Variants in MLLT3 observed in about 807,000 individuals in gnomAD.
MLLT3 encodes protein AF-9.
MLLT3 carries 4 observed loss-of-function variants against 53.2 expected under a neutral mutation model. The observed-to-expected ratio is 0.08, with a 90% CI of 0.04 to 0.17. The LOEUF is 0.17. MLLT3 is among the 10% of genes least tolerant of loss of function. The probability of loss-of-function intolerance (pLI) is 1.00; values close to 1 mark genes in which losing one functional copy is unlikely to be tolerated. For synonymous variants in MLLT3, 283 were observed against 230.6 expected (o/e 1.23, Z -2.06); for missense variants, 569 against 684.0 (o/e 0.83, Z 1.87).
At chr9:20,450,921 T>C (rs891600799) in intron 3 of MLLT3, among the ~76,000 whole-genome samples, 2 of 152,194 alleles carry the variant, frequency 1.3e-5, no homozygotes, top group African/African-American at 4.8e-5. Context: ...CTTGGCAATA[T>C]CTATCAACAT....
chr9:20,374,652 T>C (rs551949341), intron 5 of MLLT3, among the ~76,000 whole-genome samples: 12 of 152,350 alleles, frequency 7.9e-5, no homozygotes, highest in Non-Finnish European at 1.2e-4. Flanking sequence ...CATTAGTAAC[T>C]GCTTCAAAAA....
At chr9:20,536,476 T>G (rs1479666597) in intron 2 of MLLT3, among the ~76,000 whole-genome samples, 1 of 152,174 alleles carries the variant, frequency 6.6e-6, no homozygotes, top group African/African-American at 2.4e-5. Context: ...CCTTTAATAC[T>G]GAGCACGCCA....
intron 5 of MLLT3, among the ~76,000 whole-genome samples, chr9:20,388,163 A>G (rs934592277): frequency 1.3e-5 from 2 of 151,366 alleles, no homozygotes; most frequent in Non-Finnish European, 2.9e-5. Context: ...TTGATTTAGA[A>G]AATATGTACT....
chr9:20,464,958 C>A (rs572845575), intron 2 of MLLT3, among the ~76,000 whole-genome samples: 1 of 152,000 alleles, frequency 6.6e-6, no homozygotes, highest in African/African-American at 2.4e-5. Context: ...AAGCTATAAA[C>A]CCCCAAGAGC....
At chr9:20,566,811 G>A (rs938605815) in intron 2 of MLLT3, among the ~76,000 whole-genome samples, 2 of 152,108 alleles carry the variant, frequency 1.3e-5, no homozygotes, top group Non-Finnish European at 2.9e-5. Flanking sequence ...AAAGGGTAGA[G>A]GGCATCTGAA....
chr9:20,532,170 T>C (rs1296189971), intron 2 of MLLT3, among the ~76,000 whole-genome samples: 1 of 152,148 alleles, frequency 6.6e-6, no homozygotes, highest in Non-Finnish European at 1.5e-5. Flanking sequence ...GTGAAGATAT[T>C]CAACTATGTG....
At chr9:20,599,244 CA>C (rs535654648) in intron 2 of MLLT3, among the ~76,000 whole-genome samples, 61 of 148,764 alleles carry the variant, frequency 4.1e-4, no homozygotes, top group African/African-American at 1.4e-3. Context: ...ATGGAGGTTG[CA>C]GTGAGCCAAG....
chr9:20,471,338 T>G (rs889104390), intron 2 of MLLT3, among the ~76,000 whole-genome samples: 1 of 152,032 alleles, frequency 6.6e-6, no homozygotes, highest in Non-Finnish European at 1.5e-5. Context: ...TAAGAGGAAT[T>G]CGGAGAAATG....
At chr9:20,365,827 A>G in intron 5 of MLLT3, 83 bp from the exon 6 acceptor site, 1 of 1,398,236 alleles carries the variant, frequency 7.2e-7, no homozygotes, top group Non-Finnish European at 1.0e-6. Flanking sequence ...TGTTGCTCAA[A>G]CCATCCTCTG....
At chr9:20,454,469 G>A in intron 3 of MLLT3, among the ~76,000 whole-genome samples, 1 of 152,194 alleles carries the variant, frequency 6.6e-6, no homozygotes, top group East Asian at 1.9e-4. Context: ...AAAGAGAGAA[G>A]ATACTTCATT....
At chr9:20,497,372 C>T (rs764292765) in intron 2 of MLLT3, among the ~76,000 whole-genome samples, 1 of 152,150 alleles carries the variant, frequency 6.6e-6, no homozygotes, top group South Asian at 2.1e-4. Context: ...GAAACCATCA[C>T]CATAGTCAAG....
At chr9:20,511,527 T>C (rs923307490) in intron 2 of MLLT3, among the ~76,000 whole-genome samples, 4 of 152,100 alleles carry the variant, frequency 2.6e-5, no homozygotes, top group African/African-American at 7.2e-5. Context: ...TATAAGATGG[T>C]AGAAAAGGCG....
intron 6 of MLLT3, among the ~76,000 whole-genome samples, chr9:20,363,918 G>T (rs550612699): frequency 1.7e-4 from 26 of 152,238 alleles, no homozygotes; most frequent in African/African-American, 5.8e-4. Flanking sequence ...TCAGTAAATT[G>T]AATGTTTTGT....
chr9:20,366,409 G>A (rs917051961), intron 5 of MLLT3, among the ~76,000 whole-genome samples: 1 of 152,022 alleles, frequency 6.6e-6, no homozygotes, highest in Admixed American at 6.5e-5. Flanking sequence ...ATTTCATGGT[G>A]TACATGTGCC....
intron 2 of MLLT3, among the ~76,000 whole-genome samples, chr9:20,494,093 T>C (rs1825018091): frequency 6.6e-6 from 1 of 152,134 alleles, no homozygotes. Flanking sequence ...TTATCCTGGA[T>C]AACAAAGTCA....
chr9:20,532,035 A>G (rs907047937), intron 2 of MLLT3, among the ~76,000 whole-genome samples: 10 of 152,164 alleles, frequency 6.6e-5, no homozygotes, highest in Non-Finnish European at 1.2e-4. Flanking sequence ...CACAAAAATG[A>G]CCAAATTAAA....
At chr9:20,346,733 T>C (rs969109576) in intron 10 of MLLT3, among the ~76,000 whole-genome samples, 159 bp from the exon 11 acceptor site, 1 of 152,132 alleles carries the variant, frequency 6.6e-6, no homozygotes, top group Non-Finnish European at 1.5e-5. Context: ...ACTGTCTCAG[T>C]CAACTTGATA....
At chr9:20,570,648 T>G (rs1046948219) in intron 2 of MLLT3, among the ~76,000 whole-genome samples, 1 of 152,146 alleles carries the variant, frequency 6.6e-6, no homozygotes, top group African/African-American at 2.4e-5. Flanking sequence ...AACCAAACAT[T>G]TAAGCAAAAT....
chr9:20,512,016 G>A (rs993664450), intron 2 of MLLT3, among the ~76,000 whole-genome samples: 5 of 152,074 alleles, frequency 3.3e-5, no homozygotes, highest in Non-Finnish European at 5.9e-5. Context: ...GACCTTGCTG[G>A]AGCAATAAAA....
Sources: gnomAD v4.1 joint callset for allele counts (sites outside exome capture counted in the v4.1 genomes callset) on GRCh38, gnomAD v4.1.1 for gene constraint, MANE v1.5 for transcripts, NCBI Gene and HGNC (gene_info 2026-07-23, HGNC 2026-07-21) for gene names.